Variants in SLC45A2 observed in about 807,000 individuals in gnomAD.
The protein encoded by SLC45A2 is membrane-associated transporter protein.
In SLC45A2, 36 loss-of-function variants were observed where a neutral mutation model predicts 45.5. The observed-to-expected ratio is 0.79, with a 90% confidence interval of 0.61 to 1.04. The LOEUF (loss-of-function observed/expected upper bound fraction) is 1.04. Ranked by LOEUF, SLC45A2 falls within the 50% of genes least tolerant of loss-of-function variation. SLC45A2 has a pLI of 0.00. For missense variants in SLC45A2, 719 were observed against 671.0 expected (o/e 1.07, Z -0.79); for synonymous variants, 306 against 269.3 (o/e 1.14, Z -1.33).
intron 3 of SLC45A2, among the ~76,000 whole-genome samples, chr5:33,957,761 G>A (rs1315941498): frequency 1.3e-5 from 2 of 152,116 alleles, no homozygotes; most frequent in African/African-American, 2.4e-5. Context: ...CTGAGAAAGC[G>A]AATCTGGTCA....
chr5:33,968,752 C>T (rs1561367163), intron 2 of SLC45A2, among the ~76,000 whole-genome samples: 1 of 152,192 alleles, frequency 6.6e-6, no homozygotes, highest in Non-Finnish European at 1.5e-5. Flanking sequence ...TCTGCACCTA[C>T]CATCTGCCTG....
At chr5:33,975,139 T>C (rs1190918758) in intron 2 of SLC45A2, among the ~76,000 whole-genome samples, 1 of 152,194 alleles carries the variant, frequency 6.6e-6, no homozygotes, top group East Asian at 1.9e-4. Flanking sequence ...TGCTTCCATA[T>C]GAGCAAAGAC....
At chr5:33,982,671 A>G (rs375131810) in intron 1 of SLC45A2, among the ~76,000 whole-genome samples, 8 of 152,244 alleles carry the variant, frequency 5.3e-5, no homozygotes, top group African/African-American at 1.7e-4. Flanking sequence ...GGACGTGACT[A>G]TTGATGGTAA....
At chr5:33,949,869 AGATT>A (rs141384577) in intron 5 of SLC45A2, among the ~76,000 whole-genome samples, 4,042 of 152,108 alleles carry the variant, frequency 0.027, 189 homozygotes, top group African/African-American at 0.093. Context: ...AAATAAGTTT[AGATT>A]GACACTTTTC....
chr5:33,957,167 A>G (rs2111937924), intron 3 of SLC45A2, among the ~76,000 whole-genome samples: 1 of 152,344 alleles, frequency 6.6e-6, no homozygotes, highest in East Asian at 1.9e-4. Flanking sequence ...AAGAGAAGAA[A>G]GAAACCTTGG....
intron 2 of SLC45A2, among the ~76,000 whole-genome samples, chr5:33,981,311 G>T (rs1438985877): frequency 1.3e-5 from 2 of 152,200 alleles, no homozygotes; most frequent in Non-Finnish European, 1.5e-5. Context: ...GCTTCCATGG[G>T]CAGGCAGCAG....
Position 33,946,061 on chromosome 5 carries a change from A to C in SLC45A2, c.1368+1102T>G. ...CTAAGTGCTAACTAATAAACAAGTA[A>C]ATAACATCCCCAGTGTAACACAGCT... On this transcript the variant is annotated intron_variant, in intron 6 of 6. Coordinates refer to ENST00000296589, the MANE Select transcript of SLC45A2 (RefSeq NM_016180.5). 2.0e-6 allele frequency: 2 copies of C among 985,420 alleles called. 1 individual carries two copies. The allele number at this position is 985,420 out of a possible 1,614,324, so 61.0% of individuals were successfully genotyped here. A position where few individuals can be genotyped will look rare whatever the true frequency, so the allele number is the denominator to read the frequency against.
intron 3 of SLC45A2, among the ~76,000 whole-genome samples, chr5:33,960,130 T>C (rs1487315788): frequency 2.6e-5 from 4 of 152,212 alleles, no homozygotes; most frequent in African/African-American, 9.6e-5. Flanking sequence ...GATCAAATCG[T>C]AGCTCTACTT....
In SLC45A2 at chr5:33,944,866, G is replaced by T; in HGVS notation, c.1375C>A (p.Gln459Lys). The change falls in exon 7 of 7, where the codon CAG (glutamine) becomes AAG (lysine). Residue 459 changes from glutamine (Q) to lysine (K), a missense_variant. Physicochemically the swap from Gln to Lys is moderately conservative, Grantham distance 53. Coordinates refer to ENST00000296589, the MANE Select transcript of SLC45A2 (RefSeq NM_016180.5). ...TTGTCTGGGTCCCCTCCTGGGGCCT[G>T]CTGCCTCTGCAAAGGAAGCACAGAA... ...YHREEEKERQ[Q>K]APGGDPDNSV... The T allele has an allele frequency of 6.2e-7, 1 of 1,611,066 alleles. No homozygotes were observed. The highest frequency in any genetic ancestry group is 1.1e-5 in the South Asian group (1 of 90,394).
intron 2 of SLC45A2, chr5:33,971,361 T>TTATG: frequency 2.0e-6 from 1 of 507,152 alleles, no homozygotes; most frequent in East Asian, 5.5e-5. Context: ...AGGCTGTTTG[T>TTATG]TATGTGGACC....
At chr5:33,966,427 C>CTTT (rs367752652) in intron 2 of SLC45A2, among the ~76,000 whole-genome samples, 3,557 of 95,052 alleles carry the variant, frequency 0.037, 226 homozygotes, top group East Asian at 0.21. Context: ...AAGCTACTTT[C>CTTT]TTTTTTTTTT....
chr5:33,960,687 A>G (rs1212805419), intron 3 of SLC45A2, among the ~76,000 whole-genome samples: 1 of 152,150 alleles, frequency 6.6e-6, no homozygotes, highest in African/African-American at 2.4e-5. Flanking sequence ...GGGTGCACCA[A>G]AGTCTCACAA....
chr5:33,967,251 A>C (rs1278279048), intron 2 of SLC45A2, among the ~76,000 whole-genome samples: 1 of 152,150 alleles, frequency 6.6e-6, no homozygotes, highest in African/African-American at 2.4e-5. Context: ...CTTACCCCTG[A>C]CCCTATTGTG....
intron 2 of SLC45A2, among the ~76,000 whole-genome samples, chr5:33,966,422 ACTTT>A: frequency 7.0e-6 from 1 of 142,136 alleles, no homozygotes; most frequent in Non-Finnish European, 1.5e-5. Flanking sequence ...GGGAGAAGCT[ACTTT>A]CTTTTTTTTT....
At position 33,944,836 on chromosome 5, in the gene SLC45A2, C is replaced by G; in HGVS notation, c.1405G>C (p.Val469Leu). ...QAPGGDPDNS[V>L]RGKGMDCATL... ...GCGCAGTCCATGCCCTTCCCTCTCA[C>G]GCTGTTGTCTGGGTCCCCTCCTGGG... The change falls in exon 7 of 7, where the codon GTG becomes CTG. Residue 469 changes from valine (V) to leucine (L), a missense_variant. By Grantham distance (32) the Val-to-Leu change is conservative (BLOSUM62 1). Transcript: ENST00000296589. 6.2e-7 allele frequency: 1 copy of G among 1,613,950 alleles called. No homozygotes were observed.
chr5:33,968,681 T>C lies in SLC45A2; in HGVS notation c.563-4665A>G, dbSNP rs573505144. Among the ~76,000 whole-genome samples the C allele has an allele frequency of 9.8e-5, 15 of 152,338 alleles. No homozygotes were observed. The East Asian group carries it at 2.9e-3, about 29-fold the overall frequency. On this transcript the variant is annotated intron_variant, in intron 2 of 6. Transcript: ENST00000296589. The stretch of plus-strand genomic sequence containing the variant: ...CAGGTAAAATGGGAAATTGGTAAAC[T>C]GTCAGTACCAAGGAATCTAAAGGAT...
chr5:33,970,862 C>G (rs1752756473), intron 2 of SLC45A2: 1 of 331,882 alleles, frequency 3.0e-6, no homozygotes, highest in South Asian at 2.6e-5. Flanking sequence ...CACTTCTCAT[C>G]ATGGTGGACC....
rs1310239596 is a variant in SLC45A2, at chr5:33,984,465, A to G, written c.119T>C (p.Met40Thr). The G allele has an allele frequency of 6.2e-7, 1 of 1,613,732 alleles. No homozygotes were observed. Among genetic ancestry groups the G allele is most frequent in the South Asian group, 1.1e-5 (1 of 91,074 alleles). The change falls in exon 1 of 7, where the codon ATG becomes ACG. Residue 40 changes from methionine to threonine, a missense_variant. By Grantham distance (81) the Met-to-Thr change is moderately conservative. Transcript: ENST00000296589. The stretch of plus-strand genomic sequence containing the variant: ...GCAGAACTCTCTTCCGAACATGGCC[A>G]TGCTGTGCATGATGAGTCTGCTGGT... ...RPTSRLIMHSMAMFGREFCYA... is the reference protein window; with the variant it reads ...RPTSRLIMHSTAMFGREFCYA...
At chr5:33,967,390 T>C (rs1752630553) in intron 2 of SLC45A2, among the ~76,000 whole-genome samples, 1 of 152,218 alleles carries the variant, frequency 6.6e-6, no homozygotes, top group African/African-American at 2.4e-5. Flanking sequence ...GCAAATCATG[T>C]GGGCACCTTG....
Sources: gnomAD v4.1 joint callset for allele counts (sites outside exome capture counted in the v4.1 genomes callset) on GRCh38, gnomAD v4.1.1 for gene constraint, MANE v1.5 for transcripts, NCBI Gene and HGNC (gene_info 2026-07-23, HGNC 2026-07-21) for gene names.